Variants in KATNAL1 observed in about 807,000 individuals in gnomAD.
The protein encoded by KATNAL1 is katanin catalytic subunit A1 like 1, also known as katanin p60 ATPase-containing subunit A-like 1.
Under a neutral mutation model 55.2 loss-of-function variants are expected in KATNAL1, and 32 were observed. The observed-to-expected ratio is 0.58, with a 90% CI of 0.44 to 0.78. KATNAL1 has a LOEUF of 0.78. KATNAL1 is among the 30% of genes least tolerant of loss of function. The pLI is 0.00. For missense variants in KATNAL1, 466 were observed against 600.9 expected (o/e 0.78, Z 2.35); for synonymous variants, 193 against 193.6 (o/e 1.00, Z 0.02).
Position 30,210,324 on chromosome 13 carries a change from A to G in KATNAL1, c.1266T>C (p.Asn422=), listed in dbSNP as rs371627792. ...IEGYSGADIT[N]VCRDASLMAM... is the part of the protein sequence containing the mutation. ...GATCATTAAAAAAATACCTGCAAAC[A>G]TTAGTGATGTCAGCACCAGAATAGC... Residue 422 remains asparagine, a synonymous_variant, in exon 10 of 11, where the codon AAT becomes AAC. Transcript: ENST00000380615. 2.2e-5 allele frequency: 35 copies of G among 1,592,626 alleles called. No homozygotes were observed. The highest frequency in any genetic ancestry group is 2.8e-5 in the Non-Finnish European group (33 of 1,173,416).
intron 8 of KATNAL1, among the ~76,000 whole-genome samples, chr13:30,228,393 C>A (rs1875729164): frequency 6.6e-6 from 1 of 152,102 alleles, no homozygotes; most frequent in East Asian, 1.9e-4. Flanking sequence ...GATCTCAGCT[C>A]ACTGAAACAT....
chr13:30,233,704 C>T (rs1431456740), intron 6 of KATNAL1, among the ~76,000 whole-genome samples: 1 of 151,682 alleles, frequency 6.6e-6, no homozygotes, highest in Non-Finnish European at 1.5e-5. Context: ...AAGTGCCCAA[C>T]AATGGATGAA....
chr13:30,236,174 G>A (rs1876659223), intron 6 of KATNAL1, among the ~76,000 whole-genome samples: 2 of 152,090 alleles, frequency 1.3e-5, no homozygotes, highest in South Asian at 2.1e-4. Context: ...TCCTGGGCTC[G>A]ACTGTAAGGC....
chr13:30,289,831 A>G (rs1593179255), intron 1 of KATNAL1, among the ~76,000 whole-genome samples: 1 of 152,378 alleles, frequency 6.6e-6, no homozygotes, highest in South Asian at 2.1e-4. Flanking sequence ...GTGCAAAAGC[A>G]ATGAGAATGC....
At position 30,296,026 on chromosome 13, in the gene KATNAL1, A is replaced by C. The variant is rs183803951; in HGVS notation, c.-15+11305T>G. ...CAAGACCAGCCTGGGCAACATAGCA[A>C]GATGCCAATTCTAAAAAAAAAAAAA... On this transcript the variant is annotated intron_variant, in intron 1 of 10. Transcript: ENST00000380615. 2.0e-4 allele frequency: 40 copies of C among 196,392 alleles called. No homozygotes were observed. The East Asian group carries it at 5.7e-3, about 28-fold the overall frequency. The allele number at this position is 196,392 out of a possible 1,614,324, so 12.2% of individuals were successfully genotyped here.
chr13:30,241,279 TA>T (rs1271980714), intron 4 of KATNAL1, among the ~76,000 whole-genome samples, 193 bp from the exon 5 acceptor site: 1 of 152,200 alleles, frequency 6.6e-6, no homozygotes, highest in Non-Finnish European at 1.5e-5. Flanking sequence ...TCAACTTTAT[TA>T]AAAACTTCAA....
intron 9 of KATNAL1, 152 bp downstream of exon 9, chr13:30,227,260 T>C (rs373977556): frequency 1.9e-4 from 102 of 533,470 alleles, no homozygotes; most frequent in African/African-American, 1.8e-3. Context: ...GAAATTTCAA[T>C]AGAGTACTGT....
chr13:30,231,009 T>C (rs371360958), intron 7 of KATNAL1, among the ~76,000 whole-genome samples: 225 of 152,320 alleles, frequency 1.5e-3, no homozygotes, highest in African/African-American at 5.1e-3. Flanking sequence ...TATTCTTCTG[T>C]TCCATCAGCT....
Position 30,255,611 on chromosome 13 carries a change from G to C in KATNAL1, c.328C>G (p.Pro110Ala), listed in dbSNP as rs1366587983. The change falls in exon 4 of 11, where the codon CCA (proline) becomes GCA (alanine). Residue 110 changes from proline (P) to alanine (A), a missense_variant. By Grantham distance (27) the Pro-to-Ala change is conservative. Around this residue, in one of 3 missense-constraint regions of KATNAL1, gnomAD observed 248 missense variants for 275.5 expected, o/e 0.90. Coordinates refer to ENST00000380615, the MANE Select transcript of KATNAL1 (RefSeq NM_032116.5). ...CGATTGGGACGCCTGATCTGAGGTG[G>C]AGCTCTGACAAAAAAAAAAAAAAAA... ...PPPVPAEHRA[P>A]PQIRRPNREV... is the part of the protein sequence containing the mutation. 1 of 1,400,134 alleles carries C rather than the reference G, an allele frequency of 7.1e-7. No homozygotes were observed. 86.7% of individuals were successfully genotyped at this position (1,400,134 alleles called of 1,614,324 possible).
chr13:30,253,737 T>C (rs990744469), intron 4 of KATNAL1, among the ~76,000 whole-genome samples: 6 of 151,660 alleles, frequency 4.0e-5, no homozygotes, highest in African/African-American at 1.5e-4. Flanking sequence ...TGCTTAAGAG[T>C]CACATTTAAA....
At chr13:30,298,874 T>C (rs1882692723) in intron 1 of KATNAL1, among the ~76,000 whole-genome samples, 1 of 152,118 alleles carries the variant, frequency 6.6e-6, no homozygotes, top group African/African-American at 2.4e-5. Context: ...ATGTCTATTA[T>C]GAATTCCAGG....
At position 30,289,331 on chromosome 13, in the gene KATNAL1, A is replaced by T. The variant is rs113620705; in HGVS notation, c.-14-5540T>A. Among the ~76,000 whole-genome samples, 863 of 152,328 alleles carry T rather than the reference A, an allele frequency of 5.7e-3. 4 individuals carry two copies. Among genetic ancestry groups the T allele is most frequent in the African/African-American group, 0.019 (794 of 41,580 alleles). On this transcript the variant is annotated intron_variant, in intron 1 of 10. Transcript: ENST00000380615. ...TTCTTGCCAAAAGACTAACAGTCTTAAGTTTACCTTCTCCAGACACAATTC... is the reference window on the plus strand; with the variant it reads ...TTCTTGCCAAAAGACTAACAGTCTTTAGTTTACCTTCTCCAGACACAATTC...
intron 9 of KATNAL1, among the ~76,000 whole-genome samples, chr13:30,213,106 G>C (rs188846692): frequency 6.6e-6 from 1 of 152,138 alleles, no homozygotes; most frequent in Admixed American, 6.5e-5. Context: ...CCGGTACTAT[G>C]AGAAAATACA....
chr13:30,217,109 G>T (rs528922877), intron 9 of KATNAL1, among the ~76,000 whole-genome samples: 24 of 152,122 alleles, frequency 1.6e-4, no homozygotes, highest in Non-Finnish European at 2.6e-4. Context: ...CTTAAAACTG[G>T]TTATGTCAGT....
chr13:30,270,109 T>A (rs1283437814), intron 3 of KATNAL1, among the ~76,000 whole-genome samples: 1 of 118,270 alleles, frequency 8.5e-6, no homozygotes, highest in Non-Finnish European at 1.9e-5. Flanking sequence ...AGCCGCCCCG[T>A]CCGGGAGGTG....
At chr13:30,220,419 C>T (rs891273444) in intron 9 of KATNAL1, among the ~76,000 whole-genome samples, 1 of 151,906 alleles carries the variant, frequency 6.6e-6, no homozygotes, top group Non-Finnish European at 1.5e-5. Flanking sequence ...CGAAACCACG[C>T]CACTGCACCC....
intron 4 of KATNAL1, among the ~76,000 whole-genome samples, chr13:30,252,915 T>C (rs951688914): frequency 6.6e-6 from 1 of 152,022 alleles, no homozygotes; most frequent in Non-Finnish European, 1.5e-5. Flanking sequence ...CCCAGCTAAT[T>C]TTTGTGTTTT....
At chr13:30,255,201 A>C (rs1351653933) in intron 4 of KATNAL1, among the ~76,000 whole-genome samples, 1 of 152,172 alleles carries the variant, frequency 6.6e-6, no homozygotes, top group East Asian at 1.9e-4. Flanking sequence ...ATTTTTTCTT[A>C]CAAGGGATCC....
intron 9 of KATNAL1, among the ~76,000 whole-genome samples, chr13:30,220,723 G>C (rs1874765974): frequency 6.6e-6 from 1 of 151,818 alleles, no homozygotes; most frequent in Non-Finnish European, 1.5e-5. Flanking sequence ...TTTTGAGATG[G>C]AGTCTCACTC....
Sources: gnomAD v4.1 joint callset for allele counts (sites outside exome capture counted in the v4.1 genomes callset) on GRCh38, gnomAD v4.1.1 for gene constraint, gnomAD v4.1.1 regional missense constraint, MANE v1.5 for transcripts, NCBI Gene and HGNC (gene_info 2026-07-23, HGNC 2026-07-21) for gene names.